Variants in HEG1 observed in about 807,000 individuals in gnomAD.
HEG1 encodes the protein heart development protein with EGF like domains 1, also known as protein HEG homolog 1.
A neutral mutation model predicts 125.6 loss-of-function variants in HEG1; 56 were observed. The observed-to-expected ratio is 0.45, with a 90% CI of 0.36 to 0.56. HEG1 has a LOEUF of 0.56. Among genes scored for constraint, HEG1 ranks in the 20% least tolerant of loss-of-function variants. The pLI is 0.00. For synonymous variants in HEG1, 644 were observed against 668.5 expected (o/e 0.96, Z 0.57); for missense variants, 1,523 against 1,670.0 (o/e 0.91, Z 1.53).
In HEG1 at chr3:125,012,777, T is replaced by C. The variant is rs774224564; in HGVS notation, c.2802A>G (p.Thr934=). 1.2e-6 allele frequency: 2 copies of C among 1,613,968 alleles called. No individual in the cohort carries two copies. The highest frequency in any genetic ancestry group is 2.2e-5 in the South Asian group (2 of 91,088). ...AKEMTTKLGV[T]AEYSPASRSL... ...AACGTGAAGCTGGGCTGTACTCTGC[T>C]GTAACGCCAAGCTTTGTGGTCATTT... The change falls in exon 6 of 17, where the codon ACA becomes ACG. Residue 934 remains threonine, a synonymous_variant. Transcript: ENST00000311127.
intron 9 of HEG1, among the ~76,000 whole-genome samples, chr3:125,004,478 T>A (rs571956061): frequency 1.3e-5 from 2 of 152,256 alleles, no homozygotes; most frequent in African/African-American, 4.8e-5. Context: ...TTTTTAGTTG[T>A]TTCTGTTTTG....
In HEG1 at chr3:124,997,699, G is replaced by C; in HGVS notation, c.3642C>G (p.His1214Gln). 1 of 1,581,470 alleles carries C rather than the reference G, an allele frequency of 6.3e-7. No individual in the cohort carries two copies. The highest frequency in any genetic ancestry group is 8.6e-7 in the Non-Finnish European group (1 of 1,158,056). ...SGYFQFNKMD[H>Q]SCRACEDGYR... ...CGAAGCTGTGGCTACCTCGGCAGGA[G>C]TGGTCCATCTTGTTGAACTGAAAGT... Residue 1214 changes from histidine (H) to glutamine (Q), a missense_variant, in exon 12 of 17, where the codon CAC (histidine) becomes CAG (glutamine). By Grantham distance (24) the His-to-Gln change is conservative. Coordinates refer to ENST00000311127, the MANE Select transcript of HEG1 (RefSeq NM_020733.2).
chr3:125,013,804 T>C lies in HEG1; in HGVS notation c.1775A>G (p.Asn592Ser), dbSNP rs1344704714. The stretch of plus-strand genomic sequence containing the variant: ...GGAGGAATACTCTGAATGTGAAGAG[T>C]TTGAGATTTTAATATAAGAAGTTGA... ...ESSTSYIKISNSSHSEYSSFF... is the reference protein window; with the variant it reads ...ESSTSYIKISSSSHSEYSSFF... The change falls in exon 6 of 17, where the codon AAC becomes AGC. Residue 592 changes from asparagine to serine, a missense_variant. By Grantham distance (46) the Asn-to-Ser change is conservative. Coordinates refer to ENST00000311127, the MANE Select transcript of HEG1 (RefSeq NM_020733.2). The C allele has an allele frequency of 2.5e-6, 4 of 1,613,572 alleles. No individual in the cohort carries two copies. The highest frequency in any genetic ancestry group is 1.7e-5 in the Admixed American group (1 of 59,992).
intron 11 of HEG1, among the ~76,000 whole-genome samples, chr3:125,001,441 G>A (rs1282183560): frequency 6.6e-6 from 1 of 152,064 alleles, no homozygotes; most frequent in Non-Finnish European, 1.5e-5. Context: ...ACTGCCTCTG[G>A]CCAGATGAAG....
chr3:124,984,672 T>C (rs1226394373), intron 14 of HEG1, among the ~76,000 whole-genome samples: 15 of 151,800 alleles, frequency 9.9e-5, no homozygotes, highest in Admixed American at 9.8e-4. Flanking sequence ...GGTAGGAGAA[T>C]CCCTTGAACC....
chr3:125,026,978 C>T (rs527460664), intron 3 of HEG1, among the ~76,000 whole-genome samples: 2 of 151,930 alleles, frequency 1.3e-5, no homozygotes, highest in South Asian at 2.1e-4. Flanking sequence ...CCAGCCTGGG[C>T]GACAAAAAAA....
intron 14 of HEG1, among the ~76,000 whole-genome samples, chr3:124,981,855 C>A (rs1205886434): frequency 6.6e-6 from 1 of 151,524 alleles, no homozygotes; most frequent in African/African-American, 2.4e-5. Flanking sequence ...TACATATGCA[C>A]ACACACACAC....
At chr3:125,016,545 G>A (rs1466246986) in intron 5 of HEG1, among the ~76,000 whole-genome samples, 1 of 152,170 alleles carries the variant, frequency 6.6e-6, no homozygotes, top group Non-Finnish European at 1.5e-5. Context: ...AGTAGTGAGG[G>A]TGAAAAATGA....
At chr3:125,024,196 G>T (rs1474778078) in intron 3 of HEG1, among the ~76,000 whole-genome samples, 3 of 152,136 alleles carry the variant, frequency 2.0e-5, no homozygotes, top group Non-Finnish European at 4.4e-5. Flanking sequence ...CCACAAAACA[G>T]CAATTGAAGG....
Position 125,027,347 on chromosome 3 carries a change from A to G in HEG1, c.771T>C (p.Ala257=), listed in dbSNP as rs373103215. Reference sequence around the variant, plus strand: ...AAGCAGGAAGAAAGGACGGGCTCCAAGCCGAAGTGGTGGCCTCTTGGCTGT... The same window carrying G: ...AAGCAGGAAGAAAGGACGGGCTCCAGGCCGAAGTGGTGGCCTCTTGGCTGT... ...TVHSQEATTS[A]WSPSFLPALE... is the part of the protein sequence containing the mutation. The change falls in exon 3 of 17, where the codon GCT becomes GCC. Residue 257 remains alanine, a synonymous_variant. Coordinates refer to ENST00000311127, the MANE Select transcript of HEG1 (RefSeq NM_020733.2). 2.5e-5 allele frequency: 40 copies of G among 1,613,894 alleles called. No individual in the cohort carries two copies. The African/African-American group carries it at 5.1e-4, about 20-fold the overall frequency.
intron 11 of HEG1, among the ~76,000 whole-genome samples, chr3:125,001,187 A>G (rs888389233): frequency 2.6e-5 from 4 of 151,922 alleles, no homozygotes; most frequent in African/African-American, 9.7e-5. Flanking sequence ...CTGTGCATTT[A>G]TAATGTGCAA....
At chr3:125,001,389 G>A (rs1398910597) in intron 11 of HEG1, among the ~76,000 whole-genome samples, 1 of 152,090 alleles carries the variant, frequency 6.6e-6, no homozygotes, top group East Asian at 1.9e-4. Context: ...GGGCTTAAGG[G>A]TACCTCAGCC....
In HEG1 at chr3:124,987,952, C is replaced by CACACACATATATATATAT; in HGVS notation, c.3733+2834_3733+2835insATATATATATATGTGTGT. ...ACACACACACACACACACACACACA[C>CACACACATATATATATAT]ATATATATATATATATATATATACC... On this transcript the variant is annotated intron_variant, in intron 14 of 16. Transcript: ENST00000311127. 5.5e-5 allele frequency among the ~76,000 whole-genome samples: 3 copies of CACACACATATATATATAT among 54,704 alleles called. No homozygotes were observed. The East Asian group carries it at 1.4e-3, about 26-fold the overall frequency. The allele number at this position is 54,704 out of a possible 152,430, so 35.9% of individuals were successfully genotyped here. A position where few individuals can be genotyped will look rare whatever the true frequency, so the allele number is the denominator to read the frequency against.
At chr3:125,002,224 T>C in intron 10 of HEG1, 33 bp downstream of exon 10, 9 of 1,591,958 alleles carry the variant, frequency 5.7e-6, no homozygotes, top group Non-Finnish European at 6.9e-6. Context: ...TTGTACAGAC[T>C]AGTTCACAAG....
At chr3:125,036,221 AAAAAAG>A (rs1397973384) in intron 1 of HEG1, among the ~76,000 whole-genome samples, 1 of 150,740 alleles carries the variant, frequency 6.6e-6, no homozygotes, top group Non-Finnish European at 1.5e-5. Context: ...AAAAAAAAAA[AAAAAAG>A]AAAAGAAATG....
intron 1 of HEG1, among the ~76,000 whole-genome samples, chr3:125,039,015 C>G (rs1360270000): frequency 6.6e-6 from 1 of 152,186 alleles, no homozygotes; most frequent in Non-Finnish European, 1.5e-5. Flanking sequence ...TCACACCAAC[C>G]CTCCTCATAT....
At chr3:125,016,085 A>T (rs1937242222) in intron 5 of HEG1, among the ~76,000 whole-genome samples, 1 of 152,222 alleles carries the variant, frequency 6.6e-6, no homozygotes, top group African/African-American at 2.4e-5. Flanking sequence ...GGATCTAAGT[A>T]CGATTTCTCT....
intron 5 of HEG1, chr3:125,014,790 C>T: frequency 7.8e-7 from 1 of 1,289,856 alleles, no homozygotes; most frequent in Non-Finnish European, 1.0e-6. Flanking sequence ...CAGAGAGGCA[C>T]CCTCTGTTTC....
At chr3:125,036,222 A>AAAAAAG (rs956038754) in intron 1 of HEG1, among the ~76,000 whole-genome samples, 6 of 150,418 alleles carry the variant, frequency 4.0e-5, no homozygotes, top group African/African-American at 9.7e-5. Flanking sequence ...AAAAAAAAAA[A>AAAAAAG]AAAAGAAAAG....
Sources: gnomAD v4.1 joint callset for allele counts (sites outside exome capture counted in the v4.1 genomes callset) on GRCh38, gnomAD v4.1.1 for gene constraint, MANE v1.5 for transcripts, NCBI Gene and HGNC (gene_info 2026-07-23, HGNC 2026-07-21) for gene names.